The following CSMD1 variants were observed in gnomAD, a reference collection of about 807,000 sequenced individuals.
CSMD1 encodes CUB and Sushi multiple domains 1.
In CSMD1, 213 loss-of-function variants were observed where a neutral mutation model predicts 417.5. That is an observed-to-expected ratio of 0.51 (90% CI 0.46 to 0.57). The LOEUF (loss-of-function observed/expected upper bound fraction) is 0.57, where lower values mean the gene tolerates loss of function less well. Ranked by LOEUF, CSMD1 falls within the 20% of genes least tolerant of loss-of-function variation. The pLI is 0.00. For missense variants in CSMD1, 6,923 were observed against 4,529.7 expected (o/e 1.53, Z -15.17); for synonymous variants, 2,862 against 1,736.8 (o/e 1.65, Z -16.11).
intron 1 of CSMD1, among the ~76,000 whole-genome samples, chr8:4,924,051 T>A (rs879900924): frequency 4.6e-5 from 7 of 152,194 alleles, no homozygotes; most frequent in Non-Finnish European, 8.8e-5. Context: ...GAAGTCTCAA[T>A]CACTGTAGGC....
chr8:4,441,191 T>C (rs1798456676), intron 2 of CSMD1, among the ~76,000 whole-genome samples: 2 of 139,066 alleles, frequency 1.4e-5, no homozygotes, highest in African/African-American at 2.7e-5. Context: ...CTCAAACTCC[T>C]GGGATCAAGC....
At chr8:3,749,739 C>A (rs1349227520) in intron 6 of CSMD1, among the ~76,000 whole-genome samples, 1 of 150,936 alleles carries the variant, frequency 6.6e-6, no homozygotes, top group Non-Finnish European at 1.5e-5. Flanking sequence ...GTTTTTTTTT[C>A]CTTTCACGAA....
chr8:3,643,159 T>C lies in CSMD1; in HGVS notation c.1010-26362A>G, dbSNP rs75373791. The stretch of plus-strand genomic sequence containing the variant: ...GGAAAAACCATGTGTAAAGATATTA[T>C]AAGTGAGAGCCACATCCAGGAAGCT... On this transcript the variant is annotated intron_variant, in intron 7 of 69. Transcript: ENST00000635120. Among the ~76,000 whole-genome samples the C allele has an allele frequency of 8.7e-3, 1,315 of 151,948 alleles. 25 individuals carry two copies. The highest frequency in any genetic ancestry group is 0.03 in the African/African-American group (1,255 of 41,420).
chr8:4,978,117 T>C (rs1391426953), intron 1 of CSMD1, among the ~76,000 whole-genome samples: 1 of 152,210 alleles, frequency 6.6e-6, no homozygotes, highest in African/African-American at 2.4e-5. Context: ...GGGTAGCCTA[T>C]TCCAAAGGTC....
intron 2 of CSMD1, among the ~76,000 whole-genome samples, chr8:4,433,250 T>C (rs1797970552): frequency 6.6e-6 from 1 of 152,146 alleles, no homozygotes; most frequent in African/African-American, 2.4e-5. Context: ...TGTACTACAT[T>C]TGAATGACCC....
chr8:4,858,010 C>T (rs1321078407), intron 1 of CSMD1, among the ~76,000 whole-genome samples: 1 of 152,144 alleles, frequency 6.6e-6, no homozygotes, highest in Non-Finnish European at 1.5e-5. Context: ...ACGCAAAAAT[C>T]CTCAGTAACA....
chr8:3,335,495 T>C (rs1386405612), intron 23 of CSMD1, among the ~76,000 whole-genome samples: 1 of 152,130 alleles, frequency 6.6e-6, no homozygotes, highest in East Asian at 1.9e-4. Flanking sequence ...CTGACCAACA[T>C]AGAGAAACTC....
At chr8:3,892,297 A>G (rs968209129) in intron 5 of CSMD1, among the ~76,000 whole-genome samples, 3 of 152,114 alleles carry the variant, frequency 2.0e-5, no homozygotes, top group African/African-American at 7.2e-5. Context: ...ACATCACTCA[A>G]CGCTTAATTG....
intron 5 of CSMD1, among the ~76,000 whole-genome samples, chr8:3,837,785 C>G (rs1396206542): frequency 6.6e-6 from 1 of 152,122 alleles, no homozygotes; most frequent in Non-Finnish European, 1.5e-5. Flanking sequence ...TTTTCTCAGA[C>G]TGCACTATCC....
chr8:3,639,163 G>A (rs142686493), intron 7 of CSMD1, among the ~76,000 whole-genome samples: 106 of 152,298 alleles, frequency 7.0e-4, no homozygotes, highest in Middle Eastern at 6.8e-3. Flanking sequence ...AGTAAAGGCC[G>A]CTCAATTCAA....
chr8:3,689,887 G>T (rs895422225), intron 7 of CSMD1, among the ~76,000 whole-genome samples: 27 of 152,260 alleles, frequency 1.8e-4, no homozygotes, highest in African/African-American at 5.5e-4. Context: ...ATTTCATAGG[G>T]ATATTGATTC....
At chr8:4,343,821 A>G (rs6558867) in intron 3 of CSMD1, among the ~76,000 whole-genome samples, 18,394 of 152,136 alleles carry the variant, frequency 0.12, 1,199 homozygotes, top group Middle Eastern at 0.21. Context: ...CTGATGAGAC[A>G]CTACCACTTC....
At chr8:3,091,242 G>A (rs894289461) in intron 48 of CSMD1, among the ~76,000 whole-genome samples, 1 of 151,778 alleles carries the variant, frequency 6.6e-6, no homozygotes, top group African/African-American at 2.4e-5. Context: ...GATTATATTA[G>A]TTTATCTTTT....
intron 3 of CSMD1, among the ~76,000 whole-genome samples, chr8:4,317,075 C>G (rs932043400): frequency 3.3e-5 from 5 of 152,166 alleles, no homozygotes; most frequent in African/African-American, 9.7e-5. Flanking sequence ...AATTAATCAG[C>G]TACTAGTGTT....
At chr8:3,118,258 T>C (rs941772006) in intron 42 of CSMD1, 141 bp downstream of exon 42, 1 of 644,604 alleles carries the variant, frequency 1.6e-6, no homozygotes. Flanking sequence ...AAATACTAAG[T>C]GGAGTGAGTA....
At chr8:4,480,985 G>T (rs1398059382) in intron 2 of CSMD1, among the ~76,000 whole-genome samples, 1 of 152,146 alleles carries the variant, frequency 6.6e-6, no homozygotes, top group Non-Finnish European at 1.5e-5. Context: ...TTGGTGCAGT[G>T]ATTTTTGAAA....
intron 2 of CSMD1, among the ~76,000 whole-genome samples, chr8:4,585,677 A>C (rs1335089042): frequency 4.6e-5 from 7 of 152,200 alleles, no homozygotes; most frequent in Admixed American, 4.6e-4. Context: ...TTGCAATGGA[A>C]AAAAATTAAA....
At chr8:3,790,059 T>C (rs1799652137) in intron 5 of CSMD1, among the ~76,000 whole-genome samples, 1 of 152,168 alleles carries the variant, frequency 6.6e-6, no homozygotes, top group African/African-American at 2.4e-5. Context: ...TGTAAGAAAT[T>C]AGAGAATGTC....
chr8:4,030,181 G>C (rs73509306), intron 4 of CSMD1, among the ~76,000 whole-genome samples: 1,559 of 127,380 alleles, frequency 0.012, 31 homozygotes, highest in African/African-American at 0.045. Context: ...AAGGATGGTA[G>C]CCTTCTTCTC....
Sources: allele counts gnomAD v4.1 joint callset (sites outside exome capture counted in the v4.1 genomes callset), GRCh38; gene constraint gnomAD v4.1.1; transcripts MANE v1.5; gene names NCBI Gene and HGNC (gene_info 2026-07-23, HGNC 2026-07-21).